ITSN2: variants seen among roughly 807,000 people sequenced by gnomAD.
ITSN2 encodes intersectin 2.
A neutral mutation model predicts 243.7 loss-of-function variants in ITSN2; 156 were observed. The ratio of observed to expected loss-of-function variants is 0.64; its 90% confidence interval spans 0.56 to 0.73. The LOEUF is 0.73. Ranked by LOEUF, ITSN2 falls within the 30% of genes least tolerant of loss-of-function variation. The probability of loss-of-function intolerance (pLI) is 0.00; values close to 1 mark genes in which losing one functional copy is unlikely to be tolerated. For synonymous variants in ITSN2, 703 were observed against 699.9 expected (o/e 1.00, Z -0.07); for missense variants, 1,801 against 1,996.1 (o/e 0.90, Z 1.86).
Position 24,203,736 on chromosome 2 carries a change from G to A in ITSN2, c.4984C>T (p.Gln1662Ter). The A allele has an allele frequency of 6.2e-7, 1 of 1,614,138 alleles. No homozygotes were observed. The highest frequency in any genetic ancestry group is 1.1e-5 in the South Asian group (1 of 91,076). ...CGGGTCATAGGGCCTTTGCTTTCCT[G>A]TTCTGTTCGAATTTTTGCCACTGGA... ...EIPVAKIRTE[Q>*]ESKGPMTRRL... Residue 1662 changes from glutamine (Q) to a stop codon, truncating the protein, a stop_gained, in exon 40 of 40, where the codon CAG becomes TAG. Coordinates refer to ENST00000355123, the MANE Select transcript of ITSN2 (RefSeq NM_006277.3). LOFTEE classifies it high-confidence loss of function.
chr2:24,322,358 G>A (rs545418045), intron 2 of ITSN2, among the ~76,000 whole-genome samples: 53 of 152,280 alleles, frequency 3.5e-4, no homozygotes, highest in African/African-American at 1.1e-3. Flanking sequence ...AGTGTTGAAG[G>A]CAAGACTAGC....
At chr2:24,321,205 T>A (rs1357485999) in intron 2 of ITSN2, among the ~76,000 whole-genome samples, 1 of 152,200 alleles carries the variant, frequency 6.6e-6, no homozygotes, top group Admixed American at 6.5e-5. Flanking sequence ...GTCCGCCAGC[T>A]CTCTGAGGTT....
chr2:24,214,971 T>A (rs1277986531), intron 32 of ITSN2, among the ~76,000 whole-genome samples: 1 of 152,214 alleles, frequency 6.6e-6, no homozygotes, highest in Non-Finnish European at 1.5e-5. Context: ...TTCCTCACCA[T>A]TTTAACAGGT....
chr2:24,228,426 T>C (rs1204105117), intron 29 of ITSN2, among the ~76,000 whole-genome samples: 1 of 152,120 alleles, frequency 6.6e-6, no homozygotes, highest in Non-Finnish European at 1.5e-5. Context: ...TACTAGTAAA[T>C]GTGTAAGAAA....
At chr2:24,291,144 T>C (rs1680190794) in intron 15 of ITSN2, among the ~76,000 whole-genome samples, 1 of 152,172 alleles carries the variant, frequency 6.6e-6, no homozygotes, top group South Asian at 2.1e-4. Context: ...TTTTATTTTG[T>C]TTTGAGACAG....
intron 17 of ITSN2, among the ~76,000 whole-genome samples, chr2:24,283,505 C>T (rs1314305195): frequency 1.3e-5 from 2 of 152,214 alleles, no homozygotes; most frequent in Non-Finnish European, 2.9e-5. Context: ...GGATTACAGG[C>T]GTGAGCCACT....
chr2:24,285,138 G>A (rs376770011), intron 16 of ITSN2, among the ~76,000 whole-genome samples: 6 of 151,782 alleles, frequency 4.0e-5, no homozygotes, highest in African/African-American at 9.7e-5. Context: ...CTCGTGATCC[G>A]CCCGCCTCAG....
At chr2:24,238,834 GAA>G (rs1325870879) in intron 29 of ITSN2, 1 of 151,808 alleles carries the variant, frequency 6.6e-6, no homozygotes, top group African/African-American at 2.4e-5. Flanking sequence ...CTACATTAAG[GAA>G]AAAGAGACAT....
At chr2:24,222,658 TTTTTC>T (rs1423723869) in intron 29 of ITSN2, among the ~76,000 whole-genome samples, 1 of 148,082 alleles carries the variant, frequency 6.8e-6, no homozygotes, top group African/African-American at 2.5e-5. Context: ...ACAATAACTA[TTTTTC>T]TTTTCTTTTT....
intron 29 of ITSN2, among the ~76,000 whole-genome samples, chr2:24,222,668 C>CTTTTTTTTTTTT (rs56149622): frequency 1.7e-3 from 130 of 77,168 alleles, no homozygotes; most frequent in Non-Finnish European, 1.8e-3. Flanking sequence ...TTTTTCTTTT[C>CTTTTTTTTTTTT]TTTTTTTTTT....
chr2:24,301,768 C>T (rs551690515), intron 10 of ITSN2, among the ~76,000 whole-genome samples, 197 bp downstream of exon 10: 2 of 152,220 alleles, frequency 1.3e-5, no homozygotes, highest in South Asian at 4.2e-4. Context: ...TCATGTGATC[C>T]TCCCACCTTG....
chr2:24,328,374 A>G (rs1303637916), intron 1 of ITSN2, among the ~76,000 whole-genome samples: 1 of 152,248 alleles, frequency 6.6e-6, no homozygotes, highest in Non-Finnish European at 1.5e-5. Flanking sequence ...AACCCTTGGC[A>G]TGAACCAACA....
At chr2:24,329,244 G>C (rs1415484983) in intron 1 of ITSN2, among the ~76,000 whole-genome samples, 3 of 60,640 alleles carry the variant, frequency 4.9e-5, no homozygotes, top group Non-Finnish European at 9.3e-5. Context: ...ATCTTTTTGT[G>C]GGTCTGTTTT....
chr2:24,205,528 A>C, intron 37 of ITSN2: 1 of 464,472 alleles, frequency 2.2e-6, no homozygotes, highest in Non-Finnish European at 4.0e-6. Context: ...CATCCTACTC[A>C]TCCTTCAAGA....
At chr2:24,344,620 A>C (rs1687349852) in intron 1 of ITSN2, among the ~76,000 whole-genome samples, 1 of 152,224 alleles carries the variant, frequency 6.6e-6, no homozygotes, top group South Asian at 2.1e-4. Flanking sequence ...CACAAACTAC[A>C]TAATGTAATT....
At chr2:24,292,616 C>A (rs1408737438) in intron 15 of ITSN2, among the ~76,000 whole-genome samples, 4 of 152,220 alleles carry the variant, frequency 2.6e-5, no homozygotes, top group Non-Finnish European at 5.9e-5. Flanking sequence ...TCCTTCCTTT[C>A]ACTAACTAGT....
chr2:24,225,201 A>G lies in ITSN2; in HGVS notation c.3578-4135T>C, dbSNP rs1159908985. 2.0e-5 allele frequency among the ~76,000 whole-genome samples: 3 copies of G among 151,950 alleles called. No individual in the cohort carries two copies. Among genetic ancestry groups the G allele is most frequent in the African/African-American group, 7.3e-5 (3 of 41,354 alleles). ...GTTCACTCTTCGCCATTTCCTTCTT[A>G]GCCCATAAACATTGCTAAGTGTCCC... On this transcript the variant is annotated intron_variant, in intron 29 of 39. Transcript: ENST00000355123. The surrounding 1 kb of genome is among the most constrained non-coding windows in gnomAD (Gnocchi z 4.2).
At position 24,204,157 on chromosome 2, in the gene ITSN2, T is replaced by G. The variant is rs775364250; in HGVS notation, c.4936+88A>C. On this transcript the variant is annotated intron_variant, in intron 39 of 39. Coordinates refer to ENST00000355123, the MANE Select transcript of ITSN2 (RefSeq NM_006277.3). The surrounding 1 kb of genome is among the most constrained non-coding windows in gnomAD (Gnocchi z 5.1). ...GTCACTTCCCTGAAGTGGCATGGGG[T>G]CTGCACACAGCTGAAGCCCCTAGAT... is the stretch of plus-strand genomic sequence containing the variant. 6.8e-6 allele frequency: 9 copies of G among 1,314,088 alleles called. No homozygotes were observed. The highest frequency in any genetic ancestry group is 3.8e-5 in the South Asian group (3 of 79,700). The allele number at this position is 1,314,088 out of a possible 1,614,324, so 81.4% of individuals were successfully genotyped here.
intron 13 of ITSN2, 65 bp downstream of exon 13, chr2:24,298,600 A>G: frequency 1.3e-6 from 2 of 1,493,362 alleles, no homozygotes; most frequent in East Asian, 2.4e-5. Context: ...CTGGCCCACA[A>G]TTACATTTTT....
Sources: allele counts gnomAD v4.1 joint callset (sites outside exome capture counted in the v4.1 genomes callset), GRCh38; gene constraint gnomAD v4.1.1; non-coding constraint Gnocchi (gnomAD v3.1); transcripts MANE v1.5; gene names NCBI Gene and HGNC (gene_info 2026-07-23, HGNC 2026-07-21).